Variants in KDM4B observed in about 807,000 individuals in gnomAD.
The protein encoded by KDM4B is lysine-specific demethylase 4B.
A neutral mutation model predicts 125.2 loss-of-function variants in KDM4B; 32 were observed. That is an observed-to-expected ratio of 0.26 (90% CI 0.19 to 0.34). The LOEUF is 0.34. KDM4B is among the 10% of genes least tolerant of loss of function. The probability of loss-of-function intolerance (pLI) is 1.00; values close to 1 mark genes in which losing one functional copy is unlikely to be tolerated. For synonymous variants in KDM4B, 721 were observed against 677.9 expected (o/e 1.06, Z -0.99); for missense variants, 1,190 against 1,577.7 (o/e 0.75, Z 4.16).
chr19:5,144,227 ACACCCTCCG>A lies in KDM4B; in HGVS notation c.2737-12_2737-4del. The A allele has an allele frequency of 6.9e-7, 1 of 1,446,124 alleles. No homozygotes were observed. Among genetic ancestry groups the A allele is most frequent in the Non-Finnish European group, 9.2e-7 (1 of 1,090,676 alleles). 89.6% of individuals were successfully genotyped at this position (1,446,124 alleles called of 1,614,324 possible). ...CCGACACCCGCGCTGACCGCCCCCC[ACACCCTCCG>A]CACCCTCCCAGGTCCAACTCCTGAG... On this transcript the variant is annotated splice_polypyrimidine_tract_variant and intron_variant, in intron 19 of 22. Coordinates refer to ENST00000159111, the MANE Select transcript of KDM4B (RefSeq NM_015015.3).
intron 6 of KDM4B, among the ~76,000 whole-genome samples, chr19:5,063,819 G>A (rs892377341): frequency 2.0e-5 from 3 of 152,246 alleles, no homozygotes; most frequent in African/African-American, 7.2e-5. Context: ...CAGCACGGTG[G>A]CCACCACACA....
intron 5 of KDM4B, 133 bp downstream of exon 5, chr19:5,041,384 G>T: frequency 1.6e-6 from 1 of 622,424 alleles, no homozygotes; most frequent in Non-Finnish European, 2.8e-6. Flanking sequence ...CCCAGGCTCT[G>T]GATGCGGGCC....
chr19:5,080,569 G>A (rs151108911), intron 8 of KDM4B: 13 of 152,396 alleles, frequency 8.5e-5, no homozygotes, highest in African/African-American at 2.9e-4. Flanking sequence ...CAGTGAGGAG[G>A]GCGCAGCTGC....
At chr19:5,145,949 A>T (rs2620833) in intron 21 of KDM4B, among the ~76,000 whole-genome samples, 2 of 152,066 alleles carry the variant, frequency 1.3e-5, no homozygotes, top group African/African-American at 4.8e-5. Flanking sequence ...CCGAGGCCGC[A>T]TTAAGGAAAG....
Position 5,114,349 on chromosome 19 carries a change from C to T in KDM4B, c.1115+3531C>T. 1 of 726,248 alleles carries T rather than the reference C, an allele frequency of 1.4e-6. No homozygotes were observed. The highest frequency in any genetic ancestry group is 1.4e-5 in the South Asian group (1 of 69,768). 45.0% of individuals were successfully genotyped at this position (726,248 alleles called of 1,614,324 possible). A position where few individuals can be genotyped will look rare whatever the true frequency, so the allele number is the denominator to read the frequency against. ...CCCCTCCGAGCTCGGTGCTGCCTGTCCCCTCCTGCTCTGCCTTGGCCTGTC... is the reference window on the plus strand; with the variant it reads ...CCCCTCCGAGCTCGGTGCTGCCTGTTCCCTCCTGCTCTGCCTTGGCCTGTC... On this transcript the variant is annotated intron_variant, in intron 10 of 22. Transcript: ENST00000159111. This position sits in a 1 kb window ranked among gnomAD's most constrained non-coding sequence, Gnocchi z 5.8.
Position 5,033,050 on chromosome 19 carries a change from C to G in KDM4B, c.141+19C>G. 1 of 1,609,890 alleles carries G rather than the reference C, an allele frequency of 6.2e-7. No homozygotes were observed. The highest frequency in any genetic ancestry group is 1.1e-5 in the South Asian group (1 of 90,940). Reference sequence around the variant, plus strand: ...GGCCAAGGTGGGTGACATCCTGGCCCCAGCGCGGCCCTCCATCAGCCTGCG... The same window carrying G: ...GGCCAAGGTGGGTGACATCCTGGCCGCAGCGCGGCCCTCCATCAGCCTGCG... On this transcript the variant is annotated intron_variant, in intron 3 of 22. Transcript: ENST00000159111.
Position 4,971,507 on chromosome 19 carries a change from C to T in KDM4B, c.-109+2277C>T, listed in dbSNP as rs1377877772. Among the ~76,000 whole-genome samples, 2 of 152,202 alleles carry T rather than the reference C, an allele frequency of 1.3e-5. No individual in the cohort carries two copies. The highest frequency in any genetic ancestry group is 2.9e-5 in the Non-Finnish European group (2 of 68,038). On this transcript the variant is annotated intron_variant, in intron 1 of 22. Transcript: ENST00000159111. This position sits in a 1 kb window ranked among gnomAD's most constrained non-coding sequence, Gnocchi z 4.1. ...GGAGCCTCAGCTCTGGGGAAGCCATCTGTCCTCGGTTCCATCTGACACCTG... is the reference window on the plus strand; with the variant it reads ...GGAGCCTCAGCTCTGGGGAAGCCATTTGTCCTCGGTTCCATCTGACACCTG...
chr19:5,063,315 T>C (rs2037663707), intron 6 of KDM4B, among the ~76,000 whole-genome samples: 1 of 152,242 alleles, frequency 6.6e-6, no homozygotes, highest in Admixed American at 6.5e-5. Flanking sequence ...ATCATTTTCT[T>C]GCGTGTTCTT....
chr19:5,020,011 C>T lies in KDM4B; in HGVS notation c.-26+3672C>T, dbSNP rs1476101252. On this transcript the variant is annotated intron_variant, in intron 2 of 22. Coordinates refer to ENST00000159111, the MANE Select transcript of KDM4B (RefSeq NM_015015.3). ...GTTGGTGTGCAGGTGCTGCTGTGGA[C>T]GGTGTGCAGGTGTTGGTGTGGACGT... 2.4e-4 allele frequency among the ~76,000 whole-genome samples: 17 copies of T among 70,802 alleles called. No homozygotes were observed. The East Asian group carries it at 3.7e-3, about 16-fold the overall frequency. 46.4% of individuals were successfully genotyped at this position (70,802 alleles called of 152,430 possible). A position where few individuals can be genotyped will look rare whatever the true frequency, so the allele number is the denominator to read the frequency against.
At chr19:5,009,878 C>A (rs1169984486) in intron 1 of KDM4B, among the ~76,000 whole-genome samples, 1 of 152,110 alleles carries the variant, frequency 6.6e-6, no homozygotes, top group African/African-American at 2.4e-5. Context: ...ATTACAGGTG[C>A]CTTCCACTAC....
At chr19:5,123,108 C>A (rs1432085207) in intron 11 of KDM4B, among the ~76,000 whole-genome samples, 1 of 152,358 alleles carries the variant, frequency 6.6e-6, no homozygotes, top group East Asian at 1.9e-4. Context: ...GGGGAACCAG[C>A]GCCTCCTGTC....
intron 9 of KDM4B, among the ~76,000 whole-genome samples, chr19:5,083,993 TC>T (rs2038388144): frequency 6.6e-6 from 1 of 152,166 alleles, no homozygotes; most frequent in South Asian, 2.1e-4. Context: ...ATGCCTGTAA[TC>T]CTAGCACTTT....
intron 9 of KDM4B, among the ~76,000 whole-genome samples, chr19:5,107,757 C>T (rs530895622): frequency 1.1e-4 from 17 of 152,344 alleles, no homozygotes; most frequent in Middle Eastern, 6.8e-3. Context: ...AGCTGGGTCT[C>T]CTCACCAGCC....
chr19:4,984,411 A>G (rs2034755891), intron 1 of KDM4B, among the ~76,000 whole-genome samples: 1 of 152,180 alleles, frequency 6.6e-6, no homozygotes, highest in Admixed American at 6.5e-5. Flanking sequence ...AAGCAACTTG[A>G]AAATAATAGT....
intron 9 of KDM4B, among the ~76,000 whole-genome samples, chr19:5,090,890 C>T (rs545692562): frequency 2.8e-4 from 43 of 151,966 alleles, no homozygotes; most frequent in African/African-American, 1.0e-3. Context: ...CCAGTGGCTT[C>T]GTGTCCTGGG....
intron 3 of KDM4B, among the ~76,000 whole-genome samples, chr19:5,039,411 TGCCACTGCAGTCCA>T (rs2036732301): frequency 6.6e-6 from 1 of 152,152 alleles, no homozygotes; most frequent in African/African-American, 2.4e-5. Context: ...GCTATGATTG[TGCCACTGCAGTCCA>T]GCCTGAGTGA....
chr19:5,061,788 G>T (rs1336656732), intron 6 of KDM4B, among the ~76,000 whole-genome samples: 2 of 151,418 alleles, frequency 1.3e-5, no homozygotes, highest in Non-Finnish European at 2.9e-5. Context: ...AGTATTGCTT[G>T]AGCCTGGGAA....
At chr19:5,063,521 A>G (rs1239133641) in intron 6 of KDM4B, among the ~76,000 whole-genome samples, 2 of 152,178 alleles carry the variant, frequency 1.3e-5, no homozygotes, top group Non-Finnish European at 2.9e-5. Context: ...TTTTCCAGAG[A>G]GGACATCTGT....
At chr19:5,084,529 G>GTTA (rs1555709614) in intron 9 of KDM4B, among the ~76,000 whole-genome samples, 1 of 52,528 alleles carries the variant, frequency 1.9e-5, no homozygotes, top group Non-Finnish European at 3.4e-5. Context: ...AATTATATAT[G>GTTA]TTATTTATAT....
Sources: gnomAD v4.1 joint callset for allele counts (sites outside exome capture counted in the v4.1 genomes callset) on GRCh38, gnomAD v4.1.1 for gene constraint, Gnocchi (gnomAD v3.1) non-coding constraint, MANE v1.5 for transcripts, NCBI Gene and HGNC (gene_info 2026-07-23, HGNC 2026-07-21) for gene names.